The following OCA2 variants were observed in gnomAD, a reference collection of about 807,000 sequenced individuals.
OCA2 encodes OCA2 melanosomal transmembrane protein.
Under a neutral mutation model 100.2 loss-of-function variants are expected in OCA2, and 77 were observed. The ratio of observed to expected loss-of-function variants is 0.77; its 90% confidence interval spans 0.64 to 0.93. The LOEUF (loss-of-function observed/expected upper bound fraction) is 0.93, where lower values mean the gene tolerates loss of function less well. OCA2 is among the 40% of genes least tolerant of loss of function. The pLI is 0.00. For missense variants in OCA2, 1,062 were observed against 1,089.1 expected (o/e 0.98, Z 0.35); for synonymous variants, 432 against 439.2 (o/e 0.98, Z 0.21).
At chr15:27,986,492 T>TTTCCC (rs2041355675) in intron 12 of OCA2, 95 bp downstream of exon 12, 3 of 895,524 alleles carry the variant, frequency 3.3e-6, no homozygotes, top group Middle Eastern at 3.3e-4. Context: ...TTTTCAATGT[T>TTTCCC]TGTTTTAAAT....
intron 19 of OCA2, among the ~76,000 whole-genome samples, chr15:27,900,975 A>G (rs1336669561): frequency 6.6e-6 from 1 of 152,258 alleles, no homozygotes; most frequent in Non-Finnish European, 1.5e-5. Context: ...CTAACAATTC[A>G]GACTTCAGAA....
intron 21 of OCA2, among the ~76,000 whole-genome samples, chr15:27,868,405 T>G (rs375625981): frequency 9.0e-4 from 137 of 152,290 alleles, no homozygotes; most frequent in Non-Finnish European, 1.5e-3. Flanking sequence ...CAGAAAATCC[T>G]GCCATTTGTG....
intron 18 of OCA2, among the ~76,000 whole-genome samples, chr15:27,941,253 TAAC>T (rs2039636029): frequency 6.6e-6 from 1 of 152,332 alleles, no homozygotes; most frequent in African/African-American, 2.4e-5. Flanking sequence ...GTGAGAATGT[TAAC>T]AATCTCTTGA....
intron 3 of OCA2, among the ~76,000 whole-genome samples, chr15:28,030,427 C>G (rs1354854026): frequency 6.6e-6 from 1 of 152,132 alleles, no homozygotes; most frequent in Non-Finnish European, 1.5e-5. Flanking sequence ...TTTGAATGCC[C>G]TTGACAGGAG....
At chr15:27,813,963 C>T (rs1287403203) in intron 23 of OCA2, among the ~76,000 whole-genome samples, 1 of 152,124 alleles carries the variant, frequency 6.6e-6, no homozygotes, top group Non-Finnish European at 1.5e-5. Context: ...TAATTTGACA[C>T]ATTCATGTAA....
chr15:27,932,683 G>A (rs534851253), intron 18 of OCA2, among the ~76,000 whole-genome samples: 140 of 152,268 alleles, frequency 9.2e-4, no homozygotes, highest in Admixed American at 2.9e-3. Flanking sequence ...TTTTTGTTGT[G>A]GTGGTTTGTT....
At chr15:27,980,056 T>C (rs969911894) in intron 14 of OCA2, among the ~76,000 whole-genome samples, 4 of 151,864 alleles carry the variant, frequency 2.6e-5, no homozygotes, top group African/African-American at 7.3e-5. Flanking sequence ...CTTTATTTTA[T>C]TGTTGTCATC....
intron 2 of OCA2, among the ~76,000 whole-genome samples, chr15:28,072,298 T>C (rs1405645935): frequency 2.4e-5 from 3 of 126,936 alleles, no homozygotes; most frequent in Non-Finnish European, 4.9e-5. Flanking sequence ...TATTAGAATA[T>C]AGTGGAGCAG....
intron 19 of OCA2, chr15:27,896,481 A>G (rs2037694167): frequency 1.7e-6 from 1 of 592,128 alleles, no homozygotes; most frequent in East Asian, 3.0e-5. Context: ...AGTTAAAAAG[A>G]AGTGGAACTG....
the OCA2 span, among the ~76,000 whole-genome samples, chr15:27,727,630 C>G: frequency 1.3e-5 from 2 of 152,200 alleles, no homozygotes; most frequent in Non-Finnish European, 2.9e-5. Context: ...ACAATGAAGG[C>G]ACGTAAAATC....
intron 1 of OCA2, among the ~76,000 whole-genome samples, chr15:28,086,749 G>C (rs114096252): frequency 1.3e-5 from 2 of 152,204 alleles, no homozygotes; most frequent in South Asian, 4.2e-4. Flanking sequence ...GAAAGTCTCA[G>C]CAAATAAGAC....
At chr15:28,077,136 T>C (rs1050990452) in intron 2 of OCA2, among the ~76,000 whole-genome samples, 5 of 151,666 alleles carry the variant, frequency 3.3e-5, no homozygotes, top group Non-Finnish European at 7.4e-5. Context: ...CTCAGCTTAC[T>C]GCAACCTCAG....
At chr15:28,067,647 C>T (rs1162777867) in intron 2 of OCA2, among the ~76,000 whole-genome samples, 1 of 151,942 alleles carries the variant, frequency 6.6e-6, no homozygotes, top group Non-Finnish European at 1.5e-5. Context: ...TGTAGTTTTC[C>T]AAGATCTTAT....
chr15:27,754,136 G>A (rs1432958942), downstream of OCA2, among the ~76,000 whole-genome samples: 7 of 152,124 alleles, frequency 4.6e-5, no homozygotes, highest in Non-Finnish European at 7.4e-5. Flanking sequence ...TCTGTGTGAC[G>A]TTGTCCAACA....
At chr15:27,743,977 TC>T in the OCA2 span, among the ~76,000 whole-genome samples, 2 of 151,724 alleles carry the variant, frequency 1.3e-5, no homozygotes, top group African/African-American at 4.8e-5. Flanking sequence ...GTAACCCATA[TC>T]CCCCCAGGAA....
intron 19 of OCA2, among the ~76,000 whole-genome samples, chr15:27,874,923 C>T (rs2036726420): frequency 6.6e-6 from 1 of 151,886 alleles, no homozygotes; most frequent in Admixed American, 6.6e-5. Context: ...AATCAAAATG[C>T]ACATGAAAAC....
chr15:27,761,384 C>CT (rs1289086764), intron 23 of OCA2, among the ~76,000 whole-genome samples: 1 of 151,278 alleles, frequency 6.6e-6, no homozygotes, highest in Non-Finnish European at 1.5e-5. Context: ...AAACTTAAAT[C>CT]TTGTTTTAAA....
At chr15:27,812,742 G>T (rs1047059017) in intron 23 of OCA2, among the ~76,000 whole-genome samples, 2 of 152,174 alleles carry the variant, frequency 1.3e-5, no homozygotes, top group Non-Finnish European at 2.9e-5. Flanking sequence ...GGAGAAACAT[G>T]TGATGTGAGG....
At chr15:28,034,143 T>A (rs2042984265) in intron 2 of OCA2, among the ~76,000 whole-genome samples, 1 of 151,832 alleles carries the variant, frequency 6.6e-6, no homozygotes, top group South Asian at 2.1e-4. Context: ...TAATAAAAAA[T>A]TGTCTGGGCA....
Sources: allele counts gnomAD v4.1 joint callset (sites outside exome capture counted in the v4.1 genomes callset), GRCh38; gene constraint gnomAD v4.1.1; transcripts MANE v1.5; gene names NCBI Gene and HGNC (gene_info 2026-07-23, HGNC 2026-07-21).